Variants in PKHD1L1 observed in about 807,000 individuals in gnomAD.
PKHD1L1 encodes the protein PKHD1 like 1.
In PKHD1L1, 434 loss-of-function variants were observed where a neutral mutation model predicts 462.9. That is an observed-to-expected ratio of 0.94 (90% CI 0.87 to 1.02). The LOEUF is 1.02. Ranked by LOEUF, PKHD1L1 falls within the 50% of genes least tolerant of loss-of-function variation. The pLI, the probability that PKHD1L1 is intolerant of heterozygous loss-of-function variation, is 0.00. For missense variants in PKHD1L1, 5,202 were observed against 5,096.1 expected (o/e 1.02, Z -0.63); for synonymous variants, 1,781 against 1,750.0 (o/e 1.02, Z -0.44).
At chr8:109,515,682 A>C (rs2131006509) in intron 72 of PKHD1L1, among the ~76,000 whole-genome samples, 1 of 152,296 alleles carries the variant, frequency 6.6e-6, no homozygotes, top group Admixed American at 6.5e-5. Flanking sequence ...TAGAACCTAA[A>C]TTAATTGGCA....
chr8:109,402,976 T>G (rs988936036), intron 14 of PKHD1L1, among the ~76,000 whole-genome samples: 16 of 152,314 alleles, frequency 1.1e-4, no homozygotes, highest in South Asian at 2.1e-4. Flanking sequence ...TGAAAACTAC[T>G]GGGCCAGGTC....
At chr8:109,371,597 G>A (rs1479214826) in intron 2 of PKHD1L1, among the ~76,000 whole-genome samples, 2 of 144,740 alleles carry the variant, frequency 1.4e-5, no homozygotes, top group Non-Finnish European at 3.0e-5. Context: ...TGTCCTGAAT[G>A]GTATTGCCTA....
intron 57 of PKHD1L1, among the ~76,000 whole-genome samples, chr8:109,483,603 A>G (rs930877): frequency 0.39 from 58,368 of 149,320 alleles, 11,617 homozygotes; most frequent in South Asian, 0.57. Flanking sequence ...TCATAAAAAT[A>G]TATATACATA....
chr8:109,444,802 A>C lies in PKHD1L1; in HGVS notation c.4933A>C (p.Asn1645His), dbSNP rs1816026330. The stretch of plus-strand genomic sequence containing the variant: ...TGTCTACAACCTGGGCACTGCTATC[A>C]ATACGTTGTCCAATGAATTTGATAG... ...LTVYNLGTAI[N>H]TLSNEFDRRF... The change falls in exon 38 of 78, where the codon AAT becomes CAT. Residue 1645 changes from asparagine (N) to histidine (H), a missense_variant. Transcript: ENST00000378402. The C allele has an allele frequency of 6.2e-7, 1 of 1,614,046 alleles. No individual in the cohort carries two copies. The highest frequency in any genetic ancestry group is 2.2e-5 in the East Asian group (1 of 44,890).
chr8:109,394,465 C>A lies in PKHD1L1; in HGVS notation c.791C>A (p.Ala264Glu). Residue 264 changes from alanine (A) to glutamate (E), a missense_variant, in exon 10 of 78, where the codon GCA (alanine) becomes GAA (glutamate). By Grantham distance (107) the Ala-to-Glu change is moderately radical. This residue lies in a region of PKHD1L1 where 4,497 missense variants were observed against 4,336.8 expected (regional missense o/e 1.04). Transcript: ENST00000378402. ...TTTGTTTCTTCTCTCAATAAAATTG[C>A]AATGTTTCAAACATATGCAGGTATG... ...AYFVSSLNKIAMFQTYAEVTM... is the reference protein window; with the variant it reads ...AYFVSSLNKIEMFQTYAEVTM... The A allele has an allele frequency of 2.0e-6, 3 of 1,528,036 alleles. No individual in the cohort carries two copies. The highest frequency in any genetic ancestry group is 1.8e-6 in the Non-Finnish European group (2 of 1,132,808). The allele number at this position is 1,528,036 out of a possible 1,614,324, so 94.7% of individuals were successfully genotyped here. A position where few individuals can be genotyped will look rare whatever the true frequency, so the allele number is the denominator to read the frequency against.
intron 69 of PKHD1L1, 54 bp downstream of exon 69, chr8:109,507,949 T>G (rs536608751): frequency 1.3e-6 from 2 of 1,574,098 alleles, no homozygotes; most frequent in East Asian, 4.5e-5. Context: ...TGAAACAAAA[T>G]ATGTTTTATT....
At chr8:109,420,148 A>G (rs1814390004) in intron 22 of PKHD1L1, among the ~76,000 whole-genome samples, 1 of 152,232 alleles carries the variant, frequency 6.6e-6, no homozygotes, top group African/African-American at 2.4e-5. Flanking sequence ...TGAAGCACAC[A>G]TCCTAGTGAG....
At chr8:109,405,427 A>G (rs1813484270) in intron 16 of PKHD1L1, among the ~76,000 whole-genome samples, 1 of 152,168 alleles carries the variant, frequency 6.6e-6, no homozygotes, top group Non-Finnish European at 1.5e-5. Flanking sequence ...GAAAATAGGA[A>G]TTGTGAATAG....
At chr8:109,499,671 T>C (rs1819302949) in intron 67 of PKHD1L1, among the ~76,000 whole-genome samples, 1 of 152,228 alleles carries the variant, frequency 6.6e-6, no homozygotes, top group Non-Finnish European at 1.5e-5. Flanking sequence ...TCATAAGATA[T>C]AGTCTTTTAA....
At position 109,436,453 on chromosome 8, in the gene PKHD1L1, A is replaced by G. The variant is rs1586506767; in HGVS notation, c.3621A>G (p.Thr1207=). ...EGDLNRITCR[T]PKKTEGTVDI... is the part of the protein sequence containing the mutation. ...ATTTGAATAGGATAACCTGCAGGACACCAAAAGTAAGGCCTCTGATTTCAG... is the reference window on the plus strand; with the variant it reads ...ATTTGAATAGGATAACCTGCAGGACGCCAAAAGTAAGGCCTCTGATTTCAG... The change falls in exon 30 of 78, where the codon ACA becomes ACG. Residue 1207 remains threonine (T), a synonymous_variant. Transcript: ENST00000378402. 1 of 1,611,694 alleles carries G rather than the reference A, an allele frequency of 6.2e-7. No homozygotes were observed. The highest frequency in any genetic ancestry group is 8.5e-7 in the Non-Finnish European group (1 of 1,179,314).
At chr8:109,443,328 C>T (rs557299366) in intron 36 of PKHD1L1, among the ~76,000 whole-genome samples, 5 of 152,282 alleles carry the variant, frequency 3.3e-5, no homozygotes, top group African/African-American at 1.2e-4. Flanking sequence ...CCCCAGAATC[C>T]TTGTGTGCTT....
chr8:109,385,713 A>T, intron 6 of PKHD1L1, 83 bp downstream of exon 6: 1 of 875,882 alleles, frequency 1.1e-6, no homozygotes, highest in South Asian at 2.1e-5. Context: ...AATGATATTA[A>T]ATCCCATTAC....
In PKHD1L1 at chr8:109,388,503, C is replaced by T. The variant is rs1291759760; in HGVS notation, c.576C>T (p.Tyr192=). Residue 192 remains tyrosine, a synonymous_variant, in exon 7 of 78, where the codon TAC becomes TAT. Transcript: ENST00000378402. ...AATAAAAATATTTGTACAGAGTTTA[C>T]ATTGGAGGAATGCCCTGTGAGCTTC... ...NGKNVRILRV[Y]IGGMPCELLI... 7.3e-6 allele frequency: 11 copies of T among 1,510,776 alleles called. No homozygotes were observed. Among genetic ancestry groups the T allele is most frequent in the Non-Finnish European group, 9.9e-6 (11 of 1,111,786 alleles). The allele number at this position is 1,510,776 out of a possible 1,614,324, so 93.6% of individuals were successfully genotyped here. A position where few individuals can be genotyped will look rare whatever the true frequency, so the allele number is the denominator to read the frequency against.
chr8:109,427,032 T>C lies in PKHD1L1; in HGVS notation c.2876T>C (p.Leu959Pro). 6.2e-7 allele frequency: 1 copy of C among 1,607,208 alleles called. No homozygotes were observed. The highest frequency in any genetic ancestry group is 8.5e-7 in the Non-Finnish European group (1 of 1,173,774). ...GLPAAVSAAD[L>P]QFALQSLEGM... ...CCCGCTGCTGTGTCAGCTGCAGATCTGCAGTTTGCACTCCAGAGTCTGGAG... is the reference window on the plus strand; with the variant it reads ...CCCGCTGCTGTGTCAGCTGCAGATCCGCAGTTTGCACTCCAGAGTCTGGAG... Residue 959 changes from leucine (L) to proline (P), a missense_variant, in exon 25 of 78, where the codon CTG (leucine) becomes CCG (proline). Leu to Pro is a moderately conservative substitution (Grantham distance 98). This residue lies in a region of PKHD1L1 where 4,497 missense variants were observed against 4,336.8 expected (regional missense o/e 1.04). Coordinates refer to ENST00000378402, the MANE Select transcript of PKHD1L1 (RefSeq NM_177531.6).
At chr8:109,497,706 GT>G (rs897871009) in intron 65 of PKHD1L1, among the ~76,000 whole-genome samples, 3 of 152,068 alleles carry the variant, frequency 2.0e-5, no homozygotes, top group South Asian at 2.1e-4. Flanking sequence ...GATTACAGGC[GT>G]GAGCCACCGC....
chr8:109,428,900 A>G (rs752691712), intron 25 of PKHD1L1, among the ~76,000 whole-genome samples: 6 of 152,212 alleles, frequency 3.9e-5, no homozygotes, highest in Non-Finnish European at 8.8e-5. Flanking sequence ...GTGAAAAACC[A>G]GGGTAAAGGT....
chr8:109,448,279 T>A lies in PKHD1L1; in HGVS notation c.5913T>A (p.Asp1971Glu). The A allele has an allele frequency of 1.2e-6, 2 of 1,613,716 alleles. No homozygotes were observed. The highest frequency in any genetic ancestry group is 1.7e-6 in the Non-Finnish European group (2 of 1,179,822). ...GTGTGGTGCAGTGCATCGTGGGAGATCATGCTGGGGGCACATTTCCTGTTA... is the reference window on the plus strand; with the variant it reads ...GTGTGGTGCAGTGCATCGTGGGAGAACATGCTGGGGGCACATTTCCTGTTA... ...NDSVVQCIVG[D>E]HAGGTFPVMM... Residue 1971 changes from aspartate (D) to glutamate (E), a missense_variant, in exon 39 of 78, where the codon GAT becomes GAA. This residue lies in a region of PKHD1L1 where 4,497 missense variants were observed against 4,336.8 expected (regional missense o/e 1.04). Transcript: ENST00000378402.
chr8:109,435,019 A>G (rs1471650881), intron 28 of PKHD1L1, among the ~76,000 whole-genome samples, 171 bp from the exon 29 acceptor site: 3 of 152,138 alleles, frequency 2.0e-5, no homozygotes, highest in Non-Finnish European at 4.4e-5. Flanking sequence ...GTAGTTTGTA[A>G]GAATTATTCC....
At chr8:109,365,643 A>G (rs1328958977) in intron 2 of PKHD1L1, among the ~76,000 whole-genome samples, 1 of 152,170 alleles carries the variant, frequency 6.6e-6, no homozygotes, top group Non-Finnish European at 1.5e-5. Flanking sequence ...CTGGGTTTTA[A>G]ACAGAAATTT....
Sources: gnomAD v4.1 joint callset for allele counts (sites outside exome capture counted in the v4.1 genomes callset) on GRCh38, gnomAD v4.1.1 for gene constraint, gnomAD v4.1.1 regional missense constraint, MANE v1.5 for transcripts, NCBI Gene and HGNC (gene_info 2026-07-23, HGNC 2026-07-21) for gene names.